The following ITGAM variants were observed in gnomAD, a reference collection of about 807,000 sequenced individuals.
The protein encoded by ITGAM is integrin subunit alpha M.
ITGAM carries 79 observed loss-of-function variants against 137.5 expected under a neutral mutation model. The observed-to-expected ratio is 0.57, with a 90% CI of 0.48 to 0.69. The LOEUF (loss-of-function observed/expected upper bound fraction) is 0.69, where lower values mean the gene tolerates loss of function less well. Among genes scored for constraint, ITGAM ranks in the 30% least tolerant of loss-of-function variants. ITGAM has a pLI of 0.00. For synonymous variants in ITGAM, 583 were observed against 592.3 expected (o/e 0.98, Z 0.23); for missense variants, 1,343 against 1,483.5 (o/e 0.91, Z 1.56).
intron 12 of ITGAM, among the ~76,000 whole-genome samples, chr16:31,281,682 A>G (rs1304060453): frequency 6.6e-6 from 1 of 152,070 alleles, no homozygotes; most frequent in Non-Finnish European, 1.5e-5. Flanking sequence ...TCCTGGATTC[A>G]TTGATTTTTT....
chr16:31,265,228 G>A (rs2079750944), intron 2 of ITGAM, among the ~76,000 whole-genome samples, 167 bp from the exon 3 acceptor site: 1 of 151,060 alleles, frequency 6.6e-6, no homozygotes, highest in Non-Finnish European at 1.5e-5. Flanking sequence ...CTCATTCTGA[G>A]TCTTAACATT....
rs186865707 is a variant in ITGAM, at chr16:31,301,035, A to G, written c.1707+3081A>G. 3.9e-5 allele frequency among the ~76,000 whole-genome samples: 6 copies of G among 152,260 alleles called. No homozygotes were observed. The East Asian group carries it at 1.2e-3, about 29-fold the overall frequency. Reference sequence around the variant, plus strand: ...TACTCTCTCCCATTCCATAGGTTATATTTTACTCTGCTTATTCTTGCCTTT... The same window carrying G: ...TACTCTCTCCCATTCCATAGGTTATGTTTTACTCTGCTTATTCTTGCCTTT... On this transcript the variant is annotated intron_variant, in intron 14 of 29. Transcript: ENST00000544665.
At position 31,328,242 on chromosome 16, in the gene ITGAM, C is replaced by T. The variant is rs1374645625; in HGVS notation, c.2792+12C>T. On this transcript the variant is annotated intron_variant, in intron 23 of 29. Transcript: ENST00000544665. Reference sequence around the variant, plus strand: ...ATGGTGGTCACCAGGTGCTGGCTTCCAGGACTTTAGCTGAGCCTCCACTTC... The same window carrying T: ...ATGGTGGTCACCAGGTGCTGGCTTCTAGGACTTTAGCTGAGCCTCCACTTC... 3.1e-6 allele frequency: 5 copies of T among 1,609,442 alleles called. No individual in the cohort carries two copies. Among genetic ancestry groups the T allele is most frequent in the African/African-American group, 1.3e-5 (1 of 74,932 alleles).
In ITGAM at chr16:31,324,795, T is replaced by C. The variant is rs2080489557; in HGVS notation, c.2289+13T>C. The C allele has an allele frequency of 2.6e-6, 4 of 1,550,276 alleles. No homozygotes were observed. The highest frequency in any genetic ancestry group is 2.5e-5 in the South Asian group (2 of 79,144). ...CTTCACAGCCTTGGTGAGTCCAGAG[T>C]TGGGGTCCTGCAGGGGTGTGGAAGA... is the stretch of plus-strand genomic sequence containing the variant. On this transcript the variant is annotated intron_variant, in intron 18 of 29. Coordinates refer to ENST00000544665, the MANE Select transcript of ITGAM (RefSeq NM_000632.4). This position sits in a 1 kb window ranked among gnomAD's most constrained non-coding sequence, Gnocchi z 4.5.
chr16:31,328,952 TTG>T, intron 23 of ITGAM: 1 of 553,932 alleles, frequency 1.8e-6, no homozygotes, highest in Non-Finnish European at 3.3e-6. Flanking sequence ...GGGTGTGTAT[TTG>T]TGCGTGTGTG....
chr16:31,326,803 G>C (rs2080512422), intron 21 of ITGAM, 53 bp from the exon 22 acceptor site: 4 of 1,207,980 alleles, frequency 3.3e-6, no homozygotes, highest in Admixed American at 3.4e-5. Flanking sequence ...CGGGCATTTG[G>C]GTTATTTTTT....
intron 14 of ITGAM, among the ~76,000 whole-genome samples, chr16:31,304,484 T>C (rs1381554669): frequency 6.6e-6 from 1 of 152,184 alleles, no homozygotes; most frequent in African/African-American, 2.4e-5. Context: ...GTCCCATTTA[T>C]TGGTTTTGTT....
intron 13 of ITGAM, 22 bp from the exon 14 acceptor site, chr16:31,297,723 T>A: frequency 1.3e-6 from 2 of 1,588,020 alleles, no homozygotes; most frequent in Non-Finnish European, 1.7e-6. Flanking sequence ...GGTTGGGGCC[T>A]GATACTGTTT....
In ITGAM at chr16:31,297,877, G is replaced by GGA; in HGVS notation, c.1634_1635dup (p.Glu546ArgfsTer27). 4.3e-6 allele frequency: 7 copies of GGA among 1,614,108 alleles called. No individual in the cohort carries two copies. Among genetic ancestry groups the GGA allele is most frequent in the Non-Finnish European group, 5.9e-6 (7 of 1,180,008 alleles). On this transcript the variant is annotated frameshift_variant, in exon 14 of 30. Coordinates refer to ENST00000544665, the MANE Select transcript of ITGAM (RefSeq NM_000632.4). LOFTEE classifies it high-confidence loss of function. Reference sequence around the variant, plus strand: ...GACGGACGTGGCCATTGGGGCCCCAGGAGAGGAGGACAACCGGGGTGCTGT... The same window carrying GGA: ...GACGGACGTGGCCATTGGGGCCCCAGGAGAGAGGAGGACAACCGGGGTGCTGT...
rs760510078 is a variant in ITGAM, at chr16:31,329,855, C to T, written c.2926C>T (p.Arg976Trp). 9 of 1,564,800 alleles carry T rather than the reference C, an allele frequency of 5.8e-6. 1 individual carries two copies. In the South Asian group the frequency reaches 7.1e-5, roughly 12 times the overall value. Residue 976 changes from arginine to tryptophan, a missense_variant, in exon 25 of 30, where the codon CGG becomes TGG. Coordinates refer to ENST00000544665, the MANE Select transcript of ITGAM (RefSeq NM_000632.4). The part of the protein sequence containing the change: ...PISLVFLVPV[R>W]LNQTVIWDRP... ...CAGCCTGGTGTTCTTGGTGCCCGTC[C>T]GGCTGAACCAGACTGTCATATGGGA...
At chr16:31,307,854 T>C (rs1321851396) in intron 14 of ITGAM, among the ~76,000 whole-genome samples, 1 of 152,198 alleles carries the variant, frequency 6.6e-6, no homozygotes, top group East Asian at 1.9e-4. Context: ...GTTTTTAGCA[T>C]GAAGGGTTGT....
At chr16:31,311,898 A>G (rs1478952103) in intron 14 of ITGAM, among the ~76,000 whole-genome samples, 1 of 152,160 alleles carries the variant, frequency 6.6e-6, no homozygotes, top group Non-Finnish European at 1.5e-5. Context: ...ATGTTCAACA[A>G]TGATAGACTG....
Position 31,325,045 on chromosome 16 carries a change from C to A in ITGAM, c.2363+14C>A. On this transcript the variant is annotated intron_variant, in intron 19 of 29. Coordinates refer to ENST00000544665, the MANE Select transcript of ITGAM (RefSeq NM_000632.4). ...CAGTTTCATGAGGTGAGTTTCCTTT[C>A]CTCCTCACCTCCTCCAGAGAAGGAC... 1 of 1,599,326 alleles carries A rather than the reference C, an allele frequency of 6.3e-7. No homozygotes were observed. Among genetic ancestry groups the A allele is most frequent in the East Asian group, 2.2e-5 (1 of 44,808 alleles).
Position 31,324,893 on chromosome 16 carries a change from T to C in ITGAM, c.2290-65T>C. The C allele has an allele frequency of 1.3e-6, 2 of 1,554,110 alleles. No homozygotes were observed. Among genetic ancestry groups the C allele is most frequent in the African/African-American group, 1.4e-5 (1 of 72,520 alleles). ...ATTTTACTTCAACATTTGATTTTATTGTTTAATTTCACAATACTTGGTTAT... is the reference window on the plus strand; with the variant it reads ...ATTTTACTTCAACATTTGATTTTATCGTTTAATTTCACAATACTTGGTTAT... On this transcript the variant is annotated intron_variant, in intron 18 of 29. Coordinates refer to ENST00000544665, the MANE Select transcript of ITGAM (RefSeq NM_000632.4). This position sits in a 1 kb window ranked among gnomAD's most constrained non-coding sequence, Gnocchi z 4.5.
intron 25 of ITGAM, 34 bp downstream of exon 25, chr16:31,329,939 C>G: frequency 6.5e-7 from 1 of 1,537,010 alleles, no homozygotes; most frequent in Non-Finnish European, 8.8e-7. Context: ...CTGCACGGCC[C>G]TGCGCGTTCC....
chr16:31,306,107 G>A (rs147002779), intron 14 of ITGAM, among the ~76,000 whole-genome samples: 12 of 152,116 alleles, frequency 7.9e-5, no homozygotes, highest in Admixed American at 3.9e-4. Flanking sequence ...TTTCTGATTT[G>A]ATCTCGCTGC....
At chr16:31,270,132 C>T (rs370768843) in intron 5 of ITGAM, among the ~76,000 whole-genome samples, 1 of 118,444 alleles carries the variant, frequency 8.4e-6, no homozygotes, top group African/African-American at 3.3e-5. Flanking sequence ...CTTCCTTCCT[C>T]CTTTGCTTTC....
chr16:31,285,163 A>G (rs1345881779), intron 12 of ITGAM, among the ~76,000 whole-genome samples: 2 of 152,306 alleles, frequency 1.3e-5, no homozygotes, highest in African/African-American at 4.8e-5. Flanking sequence ...ACAGAACGGA[A>G]CAGAACAGGA....
In ITGAM at chr16:31,298,581, C is replaced by T. The variant is rs371050647; in HGVS notation, c.1707+627C>T. Among the ~76,000 whole-genome samples, 8 of 152,300 alleles carry T rather than the reference C, an allele frequency of 5.3e-5. No individual in the cohort carries two copies. In the East Asian group the frequency reaches 7.7e-4, roughly 15 times the overall value. ...GCAGGCATTCCTTTCTTCTGAATCTCGGTCCTGGTAAGGTGACCAAGAGCT... is the reference window on the plus strand; with the variant it reads ...GCAGGCATTCCTTTCTTCTGAATCTTGGTCCTGGTAAGGTGACCAAGAGCT... On this transcript the variant is annotated intron_variant, in intron 14 of 29. Transcript: ENST00000544665.
Sources: gnomAD v4.1 joint callset for allele counts (sites outside exome capture counted in the v4.1 genomes callset) on GRCh38, gnomAD v4.1.1 for gene constraint, Gnocchi (gnomAD v3.1) non-coding constraint, MANE v1.5 for transcripts, NCBI Gene and HGNC (gene_info 2026-07-23, HGNC 2026-07-21) for gene names.